HEATR4: variants seen among roughly 807,000 people sequenced by gnomAD.
HEATR4 encodes the protein HEAT repeat-containing protein 4.
Under a neutral mutation model 108.8 loss-of-function variants are expected in HEATR4, and 95 were observed. The observed-to-expected ratio is 0.87, with a 90% CI of 0.74 to 1.04. The LOEUF (loss-of-function observed/expected upper bound fraction) is 1.04. Ranked by LOEUF, HEATR4 falls within the 50% of genes least tolerant of loss-of-function variation. The pLI is 0.00. For missense variants in HEATR4, 1,152 were observed against 1,253.8 expected, an observed-to-expected ratio of 0.92 and a Z score of 1.23; for synonymous variants, 443 against 459.4, an observed-to-expected ratio of 0.96 and a Z score of 0.46.
At chr14:73,495,686 T>C (rs184977684) in intron 15 of HEATR4, among the ~76,000 whole-genome samples, 3 of 152,340 alleles carry the variant, frequency 2.0e-5, no homozygotes, top group Admixed American at 6.5e-5. Flanking sequence ...AGATTTTTTA[T>C]ACCTGTTCGT....
chr14:73,612,631 C>A, the HEATR4 span: 1 of 1,406,600 alleles, frequency 7.1e-7, no homozygotes, highest in Non-Finnish European at 9.3e-7. Flanking sequence ...AGCCGCTGCG[C>A]ATCGCAGTGC....
At chr14:73,559,147 C>A (rs1477051501), upstream of HEATR4, among the ~76,000 whole-genome samples, 1 of 151,750 alleles carries the variant, frequency 6.6e-6, no homozygotes, top group African/African-American at 2.4e-5. Context: ...GGTCTTTTTT[C>A]TTTTTTGAGA....
chr14:73,496,584 A>C lies in HEATR4; in HGVS notation c.2625+17T>G. The C allele has an allele frequency of 6.5e-7, 1 of 1,539,498 alleles. No individual in the cohort carries two copies. Among genetic ancestry groups the C allele is most frequent in the Non-Finnish European group, 9.0e-7 (1 of 1,112,304 alleles). ...GTCCTGAATTTTCTCTTGAGAACAGAGCTTGCACTTATTTACCCTGTTCTT... is the reference window on the plus strand; with the variant it reads ...GTCCTGAATTTTCTCTTGAGAACAGCGCTTGCACTTATTTACCCTGTTCTT... On this transcript the variant is annotated intron_variant, in intron 15 of 17. Transcript: ENST00000553558.
chr14:73,481,903 TGGGA>T (rs746504684), intron 17 of HEATR4, among the ~76,000 whole-genome samples: 2 of 150,556 alleles, frequency 1.3e-5, no homozygotes, highest in Non-Finnish European at 3.0e-5. Flanking sequence ...GAGGCTGAGG[TGGGA>T]GGATCACTTG....
At chr14:73,479,434 TC>T (rs60573137) in intron 17 of HEATR4, among the ~76,000 whole-genome samples, 4,472 of 103,236 alleles carry the variant, frequency 0.043, 302 homozygotes, top group African/African-American at 0.16. Flanking sequence ...TTTCTTTCTT[TC>T]TTTCTTTTTT....
At position 73,534,261 on chromosome 14, in the gene HEATR4, C is replaced by A. The variant is rs1888794164; in HGVS notation, c.-151-4017G>T. Among the ~76,000 whole-genome samples, 2 of 110,458 alleles carry A rather than the reference C, an allele frequency of 1.8e-5. 1 individual carries two copies. The highest frequency in any genetic ancestry group is 5.9e-4 in the South Asian group (2 of 3,374). 72.5% of individuals were successfully genotyped at this position (110,458 alleles called of 152,430 possible). A position where few individuals can be genotyped will look rare whatever the true frequency, so the allele number is the denominator to read the frequency against. ...GGCCGTGGTGGCATGTGACTGTAAT[C>A]CCAGCTACTCAAGAGGCTGAGGCAG... is the stretch of plus-strand genomic sequence containing the variant. On this transcript the variant is annotated intron_variant, in intron 1 of 17. Transcript: ENST00000553558.
the HEATR4 span, chr14:73,592,453 T>C: frequency 6.8e-7 from 1 of 1,462,638 alleles, no homozygotes; most frequent in African/African-American, 1.4e-5. Flanking sequence ...TGAGCGTCAG[T>C]GGCCTGAGTC....
chr14:73,580,035 T>G, the HEATR4 span, among the ~76,000 whole-genome samples: 1 of 151,920 alleles, frequency 6.6e-6, no homozygotes. Flanking sequence ...GAGTCGGAGG[T>G]TGCAGTGAGC....
the HEATR4 span, among the ~76,000 whole-genome samples, chr14:73,577,287 G>A: frequency 1.4e-5 from 2 of 139,922 alleles, no homozygotes; most frequent in Non-Finnish European, 3.1e-5. Flanking sequence ...AATATAACCA[G>A]ATCTACAGTA....
upstream of HEATR4, among the ~76,000 whole-genome samples, chr14:73,560,631 C>T (rs1889514677): frequency 6.9e-6 from 1 of 145,484 alleles, no homozygotes; most frequent in African/African-American, 2.5e-5. Flanking sequence ...CACTGCACTC[C>T]AGCCTGGGCG....
At chr14:73,526,115 G>C (rs964290435) in intron 2 of HEATR4, among the ~76,000 whole-genome samples, 1 of 151,672 alleles carries the variant, frequency 6.6e-6, no homozygotes, top group African/African-American at 2.4e-5. Context: ...ACAGCTTGGA[G>C]AGAGAATCTG....
chr14:73,619,106 G>A, the HEATR4 span: 3 of 1,237,566 alleles, frequency 2.4e-6, no homozygotes, highest in African/African-American at 4.6e-5. Flanking sequence ...CTCCAGCCTG[G>A]GTGACAGAGC....
chr14:73,516,802 A>C (rs1294788602), intron 5 of HEATR4, among the ~76,000 whole-genome samples: 1 of 152,204 alleles, frequency 6.6e-6, no homozygotes, highest in Admixed American at 6.5e-5. Context: ...TGTGAACTGC[A>C]CATGTGAGGG....
At chr14:73,541,757 G>A in intron 1 of HEATR4, 1 of 1,118,634 alleles carries the variant, frequency 8.9e-7, no homozygotes, top group Non-Finnish European at 1.2e-6. Flanking sequence ...AATGGTCTGG[G>A]TTTTCACAGA....
At chr14:73,485,581 A>G (rs1355010535) in intron 17 of HEATR4, among the ~76,000 whole-genome samples, 2 of 152,002 alleles carry the variant, frequency 1.3e-5, no homozygotes, top group African/African-American at 4.8e-5. Flanking sequence ...TTTTGTATTT[A>G]AAATTTTTCG....
At chr14:73,490,467 A>C (rs1440575305) in intron 17 of HEATR4, among the ~76,000 whole-genome samples, 1 of 152,218 alleles carries the variant, frequency 6.6e-6, no homozygotes, top group Non-Finnish European at 1.5e-5. Context: ...GGCGCCCAGC[A>C]CCACGTCCGG....
chr14:73,520,429 T>G (rs927697409), intron 4 of HEATR4: 1 of 158,010 alleles, frequency 6.3e-6, no homozygotes, highest in Admixed American at 6.4e-5. Flanking sequence ...AAAAAAATAC[T>G]GAGCCAGGAT....
intron 17 of HEATR4, among the ~76,000 whole-genome samples, chr14:73,481,926 C>T (rs966756121): frequency 6.6e-6 from 1 of 151,768 alleles, no homozygotes; most frequent in Non-Finnish European, 1.5e-5. Context: ...TGAGCAGGGG[C>T]AGTTGAGGCT....
At chr14:73,577,153 A>C in the HEATR4 span, among the ~76,000 whole-genome samples, 13 of 151,852 alleles carry the variant, frequency 8.6e-5, no homozygotes, top group African/African-American at 2.9e-4. Context: ...ACTAGCCTTG[A>C]ATTACCGAGC....
Sources: allele counts gnomAD v4.1 joint callset (sites outside exome capture counted in the v4.1 genomes callset), GRCh38; gene constraint gnomAD v4.1.1; transcripts MANE v1.5; gene names NCBI Gene and HGNC (gene_info 2026-07-23, HGNC 2026-07-21).